The following FADS2 variants were observed in gnomAD, a reference collection of about 807,000 sequenced individuals.
The protein encoded by FADS2 is acyl-CoA 6-desaturase.
In FADS2, 18 loss-of-function variants were observed where a neutral mutation model predicts 61.2. That is an observed-to-expected ratio of 0.29 (90% CI 0.20 to 0.44). The LOEUF is 0.44. Ranked by LOEUF, FADS2 falls within the 20% of genes least tolerant of loss-of-function variation. The pLI, the probability that FADS2 is intolerant of heterozygous loss-of-function variation, is 1.00. For synonymous variants in FADS2, 203 were observed against 223.9 expected, an observed-to-expected ratio of 0.91 and a Z score of 0.83; for missense variants, 322 against 572.7, an observed-to-expected ratio of 0.56 and a Z score of 4.47.
At chr11:61,843,206 G>T (rs1201195232) in intron 4 of FADS2, among the ~76,000 whole-genome samples, 2 of 152,220 alleles carry the variant, frequency 1.3e-5, no homozygotes, top group South Asian at 2.1e-4. Context: ...AAGGCAGGAG[G>T]ATTGCTTGAA....
At chr11:61,826,671 A>G (rs2067089068), upstream of FADS2, among the ~76,000 whole-genome samples, 1 of 152,178 alleles carries the variant, frequency 6.6e-6, no homozygotes, top group South Asian at 2.1e-4. Flanking sequence ...GAGAGGCCTT[A>G]CTGTCTTTAT....
At chr11:61,862,812 C>G (rs2067429408) in intron 7 of FADS2, 160 bp from the exon 8 acceptor site, 2 of 636,684 alleles carry the variant, frequency 3.1e-6, no homozygotes, top group Non-Finnish European at 5.6e-6. Flanking sequence ...CCATGCAAAC[C>G]CCGAGCAAGC....
chr11:61,816,876 C>CG lies in FADS2; in HGVS notation c.141+453dup, dbSNP rs909222654. The CG allele has an allele frequency of 6.8e-7, 1 of 1,476,990 alleles. No individual in the cohort carries two copies. The highest frequency in any genetic ancestry group is 2.8e-5 in the East Asian group (1 of 35,340). 91.5% of individuals were successfully genotyped at this position (1,476,990 alleles called of 1,614,324 possible). A position where few individuals can be genotyped will look rare whatever the true frequency, so the allele number is the denominator to read the frequency against. ...CGCCCAGAGCCAGCCGCCTGCGCGC[C>CG]GGGTTTTCAGCACCGCAGGGCAGAC... On this transcript the variant is annotated intron_variant, in intron 1 of 11. Coordinates refer to the FADS2 transcript ENST00000257261. The surrounding 1 kb of genome is among the most constrained non-coding windows in gnomAD (Gnocchi z 7.0).
At chr11:61,844,701 A>G (rs1380718972) in intron 4 of FADS2, among the ~76,000 whole-genome samples, 1 of 151,986 alleles carries the variant, frequency 6.6e-6, no homozygotes, top group Non-Finnish European at 1.5e-5. Flanking sequence ...TGAGGAGGGC[A>G]GATCACAAGG....
chr11:61,825,054 G>C (rs2067072219), upstream of FADS2, among the ~76,000 whole-genome samples: 1 of 151,986 alleles, frequency 6.6e-6, no homozygotes, highest in Non-Finnish European at 1.5e-5. Flanking sequence ...ATCTGGGCAT[G>C]GTGCCACCCA....
upstream of FADS2, among the ~76,000 whole-genome samples, chr11:61,825,744 T>A (rs113091626): frequency 0.021 from 3,189 of 151,286 alleles, 128 homozygotes; most frequent in African/African-American, 0.071. Flanking sequence ...TACAAAAAAA[T>A]TAGCCGGGTG....
In FADS2 at chr11:61,816,902, C is replaced by G. The variant is rs1044912550; in HGVS notation, c.141+476C>G. ...GGGTTTTCAGCACCGCAGGGCAGACCGGCGGGCCTCGCAGCGCGCGTTCCC... is the reference window on the plus strand; with the variant it reads ...GGGTTTTCAGCACCGCAGGGCAGACGGGCGGGCCTCGCAGCGCGCGTTCCC... On this transcript the variant is annotated intron_variant, in intron 1 of 11. Transcript: ENST00000257261. This position sits in a 1 kb window ranked among gnomAD's most constrained non-coding sequence, Gnocchi z 7.0. 8 of 1,415,816 alleles carry G rather than the reference C, an allele frequency of 5.7e-6. No individual in the cohort carries two copies. The highest frequency in any genetic ancestry group is 2.5e-4 in the Middle Eastern group (1 of 3,968). The allele number at this position is 1,415,816 out of a possible 1,614,324, so 87.7% of individuals were successfully genotyped here.
chr11:61,829,301 G>T (rs527606604), intron 1 of FADS2: 1 of 152,324 alleles, frequency 6.6e-6, no homozygotes, highest in African/African-American at 2.4e-5. Context: ...GCCTTGAGCC[G>T]GTGGATTTAG....
Position 61,865,811 on chromosome 11 carries a change from T to C in FADS2, c.*122T>C, listed in dbSNP as rs963372800. 11 of 770,746 alleles carry C rather than the reference T, an allele frequency of 1.4e-5. No homozygotes were observed. The highest frequency in any genetic ancestry group is 5.2e-5 in the African/African-American group (3 of 57,784). 47.7% of individuals were successfully genotyped at this position (770,746 alleles called of 1,614,324 possible). ...GTGTATGCACTGCTCACGGACCCCA[T>C]GTTGGATCTTTCTCCCTTTCTCCTC... On this transcript the variant is annotated 3_prime_UTR_variant, in exon 12 of 12. Transcript: ENST00000278840. The surrounding 1 kb of genome is among the most constrained non-coding windows in gnomAD (Gnocchi z 4.1).
intron 7 of FADS2, 94 bp downstream of exon 7, chr11:61,857,624 T>A: frequency 1.8e-6 from 2 of 1,124,666 alleles, no homozygotes; most frequent in Non-Finnish European, 2.7e-6. Context: ...TGTGCCCCAG[T>A]GGAGCCTGTG....
chr11:61,848,110 G>A (rs371340901), intron 4 of FADS2, 49 bp from the exon 5 acceptor site: 374 of 1,612,974 alleles, frequency 2.3e-4, no homozygotes, highest in Non-Finnish European at 3.1e-4. Context: ...AAGCGAGCTC[G>A]GTTCCCTGGT....
At chr11:61,831,945 C>G (rs981706415) in intron 1 of FADS2, among the ~76,000 whole-genome samples, 2 of 152,226 alleles carry the variant, frequency 1.3e-5, no homozygotes, top group Admixed American at 6.5e-5. Flanking sequence ...CACTGCAGAA[C>G]TGTTCATCTT....
At chr11:61,820,039 A>G (rs575718135) in intron 1 of FADS2, among the ~76,000 whole-genome samples, 39 of 152,004 alleles carry the variant, frequency 2.6e-4, no homozygotes, top group African/African-American at 9.2e-4. Context: ...CCTGGCCAAC[A>G]TGGTGAAACT....
intron 7 of FADS2, among the ~76,000 whole-genome samples, chr11:61,859,245 C>G (rs1202631176): frequency 6.6e-6 from 1 of 151,656 alleles, no homozygotes; most frequent in East Asian, 2.0e-4. Context: ...TTAGCAGAGA[C>G]AGGGTTTCAC....
chr11:61,847,370 A>G (rs774174694), intron 4 of FADS2: 1 of 150,244 alleles, frequency 6.7e-6, no homozygotes, highest in Non-Finnish European at 1.5e-5. Context: ...TCACATCCCA[A>G]CCCCCTCACT....
chr11:61,853,263 C>CTCTCTCTTTCTT lies in FADS2; in HGVS notation c.745-3746_745-3745insTCTCTTTCTTTC, dbSNP rs1565334513. Among the ~76,000 whole-genome samples the CTCTCTCTTTCTT allele has an allele frequency of 2.2e-4, 26 of 116,812 alleles. 1 individual carries two copies. The highest frequency in any genetic ancestry group is 1.0e-3 in the African/African-American group (21 of 20,238). 76.6% of individuals were successfully genotyped at this position (116,812 alleles called of 152,430 possible). A position where few individuals can be genotyped will look rare whatever the true frequency, so the allele number is the denominator to read the frequency against. ...TTTCTTTCTCTCTCTCTTTCTTTCT[C>CTCTCTCTTTCTT]TCCCTCCCTCCCTTCCCTCCCTCCC... On this transcript the variant is annotated intron_variant, in intron 5 of 11. Coordinates refer to ENST00000278840, the MANE Select transcript of FADS2 (RefSeq NM_004265.4).
At chr11:61,821,954 G>C (rs1012534563) in intron 1 of FADS2, among the ~76,000 whole-genome samples, 1 of 151,984 alleles carries the variant, frequency 6.6e-6, no homozygotes, top group Non-Finnish European at 1.5e-5. Flanking sequence ...AGGAATTCAC[G>C]GGATTTCCTT....
upstream of FADS2, chr11:61,828,007 G>C (rs1393754521): frequency 3.6e-6 from 4 of 1,105,946 alleles, no homozygotes; most frequent in African/African-American, 6.7e-5. The surrounding 1 kb of genome is among the most constrained non-coding windows in gnomAD (Gnocchi z 6.4). Flanking sequence ...GTGGAAACTC[G>C]GGCGGCGGGG....
Position 61,837,787 on chromosome 11 carries a change from C to G in FADS2, c.217C>G (p.Arg73Gly). The G allele has an allele frequency of 6.2e-7, 1 of 1,611,222 alleles. No individual in the cohort carries two copies. Among genetic ancestry groups the G allele is most frequent in the South Asian group, 1.1e-5 (1 of 90,360 alleles). ...GCCCTCTGCTCTCCAGGATGCCTTC[C>G]GCGCCTTCCACCCTGACCTGGAATT... ...YAGEDATDAF[R>G]AFHPDLEFVG... Residue 73 changes from arginine (R) to glycine (G), a missense_variant, in exon 2 of 12, where the codon CGC becomes GGC. Arg to Gly is a moderately radical substitution (Grantham distance 125, BLOSUM62 -2). Coordinates refer to ENST00000278840, the MANE Select transcript of FADS2 (RefSeq NM_004265.4).
Sources: gnomAD v4.1 joint callset for allele counts (sites outside exome capture counted in the v4.1 genomes callset) on GRCh38, gnomAD v4.1.1 for gene constraint, Gnocchi (gnomAD v3.1) non-coding constraint, MANE v1.5 for transcripts, NCBI Gene and HGNC (gene_info 2026-07-23, HGNC 2026-07-21) for gene names.